Variants in PLXDC2 observed in about 807,000 individuals in gnomAD.
The protein encoded by PLXDC2 is plexin domain-containing protein 2.
PLXDC2 carries 40 observed loss-of-function variants against 68.9 expected under a neutral mutation model. That is an observed-to-expected ratio of 0.58 (90% CI 0.45 to 0.76). The LOEUF is 0.76. PLXDC2 is among the 30% of genes least tolerant of loss of function. The pLI is 0.00. For missense variants in PLXDC2, 644 were observed against 661.9 expected, an observed-to-expected ratio of 0.97 and a Z score of 0.30; for synonymous variants, 243 against 234.2, an observed-to-expected ratio of 1.04 and a Z score of -0.34.
At chr10:19,824,517 A>G (rs1836536982) in intron 1 of PLXDC2, among the ~76,000 whole-genome samples, 1 of 152,198 alleles carries the variant, frequency 6.6e-6, no homozygotes, top group Admixed American at 6.5e-5. Context: ...CTTTATTCTG[A>G]GCACATTTTC....
At chr10:20,202,252 G>A (rs564134746) in intron 9 of PLXDC2, among the ~76,000 whole-genome samples, 14 of 152,240 alleles carry the variant, frequency 9.2e-5, no homozygotes, top group Admixed American at 4.6e-4. Context: ...AGATATACAC[G>A]TAAATCCCCA....
At chr10:19,944,205 G>A (rs530035751) in intron 1 of PLXDC2, among the ~76,000 whole-genome samples, 2 of 152,112 alleles carry the variant, frequency 1.3e-5, no homozygotes, top group African/African-American at 4.8e-5. Context: ...AGAAGTGAAA[G>A]GTATAATCCC....
intron 2 of PLXDC2, among the ~76,000 whole-genome samples, chr10:20,022,307 G>C (rs988564048): frequency 6.6e-6 from 1 of 152,178 alleles, no homozygotes; most frequent in African/African-American, 2.4e-5. Context: ...GGAGCTTACA[G>C]TCTAGTCGGG....
At chr10:19,936,271 C>T (rs7081201) in intron 1 of PLXDC2, among the ~76,000 whole-genome samples, 51,229 of 151,980 alleles carry the variant, frequency 0.34, 8,655 homozygotes, top group African/African-American at 0.37. Context: ...GGGTCTCTAT[C>T]ACCATGAATT....
At chr10:19,826,841 C>T (rs921357899) in intron 1 of PLXDC2, among the ~76,000 whole-genome samples, 1 of 151,908 alleles carries the variant, frequency 6.6e-6, no homozygotes, top group African/African-American at 2.4e-5. Context: ...CTTGTGGTCG[C>T]GTTTGTTAAT....
At chr10:19,949,442 G>A (rs1370203888) in intron 1 of PLXDC2, among the ~76,000 whole-genome samples, 1 of 152,098 alleles carries the variant, frequency 6.6e-6, no homozygotes, top group Admixed American at 6.6e-5. Flanking sequence ...AATACATGAG[G>A]CTGGATGCAG....
chr10:19,998,048 T>C (rs1206418554), intron 1 of PLXDC2, among the ~76,000 whole-genome samples: 4 of 152,218 alleles, frequency 2.6e-5, no homozygotes, highest in Admixed American at 6.5e-5. Flanking sequence ...TTTGAAGGTT[T>C]TTCCATCAGT....
chr10:19,985,550 A>C (rs1337831349), intron 1 of PLXDC2, among the ~76,000 whole-genome samples: 1 of 152,154 alleles, frequency 6.6e-6, no homozygotes, highest in East Asian at 1.9e-4. Flanking sequence ...TAGATATTAA[A>C]ATTTTTACTC....
chr10:20,095,419 C>T (rs945835770), intron 4 of PLXDC2, among the ~76,000 whole-genome samples: 3 of 151,812 alleles, frequency 2.0e-5, no homozygotes, highest in African/African-American at 7.3e-5. Context: ...CTTACTTGGA[C>T]ATAAAAGAAA....
chr10:20,107,481 A>C (rs1285821416), intron 4 of PLXDC2, among the ~76,000 whole-genome samples: 2 of 152,196 alleles, frequency 1.3e-5, no homozygotes, highest in African/African-American at 4.8e-5. Flanking sequence ...TAAAGGCAGA[A>C]AAAAAGCACC....
chr10:19,858,154 T>G (rs1329866299), intron 1 of PLXDC2, among the ~76,000 whole-genome samples: 5 of 152,078 alleles, frequency 3.3e-5, no homozygotes, highest in Admixed American at 3.3e-4. Context: ...CAAGAACAGT[T>G]TAGAGTTGCT....
At chr10:20,247,304 AAAAAAAAG>A (rs1336953888) in intron 13 of PLXDC2, among the ~76,000 whole-genome samples, 11 of 151,582 alleles carry the variant, frequency 7.3e-5, no homozygotes, top group Non-Finnish European at 1.3e-4. Context: ...TACAAAAAAA[AAAAAAAAG>A]AAAAAAAGAA....
At chr10:20,139,463 T>C (rs975808095) in intron 4 of PLXDC2, among the ~76,000 whole-genome samples, 1 of 152,228 alleles carries the variant, frequency 6.6e-6, no homozygotes, top group African/African-American at 2.4e-5. Context: ...TATGATTAGC[T>C]CTTCAAATGG....
intron 9 of PLXDC2, among the ~76,000 whole-genome samples, chr10:20,200,145 A>C (rs1052554993): frequency 3.6e-5 from 5 of 137,998 alleles, no homozygotes; most frequent in African/African-American, 1.2e-4. Context: ...CAAAAACAAA[A>C]CAAAAAAAAT....
At chr10:19,927,631 G>A (rs541946548) in intron 1 of PLXDC2, among the ~76,000 whole-genome samples, 3 of 149,502 alleles carry the variant, frequency 2.0e-5, no homozygotes, top group African/African-American at 7.4e-5. Context: ...GAACCTGAGA[G>A]GTGGAGGGTG....
intron 4 of PLXDC2, among the ~76,000 whole-genome samples, chr10:20,110,420 A>G (rs1833544413): frequency 6.6e-6 from 1 of 152,180 alleles, no homozygotes; most frequent in South Asian, 2.1e-4. Context: ...TCTCACAAGT[A>G]ATAACAGGGA....
chr10:20,087,451 T>TA (rs1833215155), intron 4 of PLXDC2, among the ~76,000 whole-genome samples: 1 of 152,248 alleles, frequency 6.6e-6, no homozygotes, highest in Admixed American at 6.5e-5. Flanking sequence ...TCATCATTCT[T>TA]ATTCCATTTG....
chr10:20,197,269 T>C (rs1298773803), intron 9 of PLXDC2, among the ~76,000 whole-genome samples: 1 of 152,178 alleles, frequency 6.6e-6, no homozygotes, highest in African/African-American at 2.4e-5. Context: ...ACAAAACCAT[T>C]TACCTAATGG....
At chr10:20,133,068 A>G (rs578134946) in intron 4 of PLXDC2, among the ~76,000 whole-genome samples, 4 of 152,308 alleles carry the variant, frequency 2.6e-5, no homozygotes, top group African/African-American at 7.2e-5. Flanking sequence ...ACTGATAACA[A>G]TGTAACTTCC....
Sources: gnomAD v4.1 joint callset for allele counts (sites outside exome capture counted in the v4.1 genomes callset) on GRCh38, gnomAD v4.1.1 for gene constraint, MANE v1.5 for transcripts, NCBI Gene and HGNC (gene_info 2026-07-23, HGNC 2026-07-21) for gene names.